HMGB1: variants seen among roughly 807,000 people sequenced by gnomAD.
The protein encoded by HMGB1 is high mobility group protein B1.
For synonymous variants in HMGB1, 81 were observed against 84.0 expected (o/e 0.96, Z 0.19); for missense variants, 79 against 253.5 (o/e 0.31, Z 4.67).
At chr13:30,538,470 CTTTCTT>C (rs1253623296) in intron 1 of HMGB1, among the ~76,000 whole-genome samples, 2 of 45,986 alleles carry the variant, frequency 4.3e-5, no homozygotes, top group Non-Finnish European at 9.3e-5. Flanking sequence ...TTCTTTCTTT[CTTTCTT>C]TCTTTCTTTC....
At chr13:30,575,087 TTTA>T (rs780966217) in intron 1 of HMGB1, among the ~76,000 whole-genome samples, 135 of 152,348 alleles carry the variant, frequency 8.9e-4, no homozygotes, top group Non-Finnish European at 1.1e-3. Flanking sequence ...TGTGCATATG[TTTA>T]TTATTTTAAG....
chr13:30,550,211 A>G (rs2137512034), intron 1 of HMGB1, among the ~76,000 whole-genome samples: 1 of 152,084 alleles, frequency 6.6e-6, no homozygotes, highest in Middle Eastern at 3.4e-3. Context: ...AGGAGCTATG[A>G]CATCCTTTTA....
Position 30,465,848 on chromosome 13 carries a change from G to C in HMGB1, c.-67C>G. The stretch of plus-strand genomic sequence containing the variant: ...GCCCGTCCGGCTCTCACTTGCCCCG[G>C]TGCTGTCTCTATGGAGCTCAATGTA... On this transcript the variant is annotated 5_prime_UTR_variant, in exon 1 of 5. Transcript: ENST00000341423. 1.0e-6 allele frequency: 1 copy of C among 985,548 alleles called. No homozygotes were observed. Among genetic ancestry groups the C allele is most frequent in the Non-Finnish European group, 1.2e-6 (1 of 829,632 alleles). The allele number at this position is 985,548 out of a possible 1,614,324, so 61.1% of individuals were successfully genotyped here.
Position 30,538,781 on chromosome 13 carries a change from C to CTT in HMGB1, c.-14-75089_-14-75088dup, listed in dbSNP as rs1333120144. Among the ~76,000 whole-genome samples the CTT allele has an allele frequency of 2.6e-4, 21 of 81,470 alleles. No individual in the cohort carries two copies. In the East Asian group the frequency reaches 3.0e-3, roughly 12 times the overall value. The allele number at this position is 81,470 out of a possible 152,430, so 53.4% of individuals were successfully genotyped here. Reference sequence around the variant, plus strand: ...TTTCTCTTTCTCTCTCTCTTTCCTTCTTTCTTTTTCTTTCTTCCTTTCTCT... The same window carrying CTT: ...TTTCTCTTTCTCTCTCTCTTTCCTTCTTTTTCTTTTTCTTTCTTCCTTTCTCT... On this transcript the variant is annotated intron_variant, in intron 1 of 4. Transcript: ENST00000405805.
At chr13:30,606,826 T>C (rs912483875) in intron 1 of HMGB1, among the ~76,000 whole-genome samples, 1 of 152,250 alleles carries the variant, frequency 6.6e-6, no homozygotes, top group Non-Finnish European at 1.5e-5. Flanking sequence ...TGTCAGGTTA[T>C]GTTAAAACAT....
chr13:30,558,325 T>G (rs1430478626), intron 1 of HMGB1, among the ~76,000 whole-genome samples: 1 of 152,344 alleles, frequency 6.6e-6, no homozygotes, highest in East Asian at 1.9e-4. Context: ...TGTAATTTGA[T>G]GCAATTCAGT....
In HMGB1 at chr13:30,538,273, T is replaced by A. The variant is rs532347762; in HGVS notation, c.-14-74579A>T. Among the ~76,000 whole-genome samples the A allele has an allele frequency of 1.6e-4, 24 of 152,364 alleles. No homozygotes were observed. The South Asian group carries it at 4.1e-3, about 26-fold the overall frequency. On this transcript the variant is annotated intron_variant, in intron 1 of 4. Coordinates refer to the HMGB1 transcript ENST00000405805. The stretch of plus-strand genomic sequence containing the variant: ...GAATACAAAGTAATTTTTATTGTTT[T>A]ATTTTAATTTTTTGGTGGTATAGAG...
chr13:30,581,568 G>C (rs891636685), intron 1 of HMGB1, among the ~76,000 whole-genome samples: 2 of 152,190 alleles, frequency 1.3e-5, no homozygotes, highest in Non-Finnish European at 1.5e-5. Flanking sequence ...CAGAAAGTTT[G>C]CTGATCCTTG....
chr13:30,566,532 T>C (rs1051606928), intron 1 of HMGB1, among the ~76,000 whole-genome samples: 5 of 152,248 alleles, frequency 3.3e-5, no homozygotes, highest in African/African-American at 9.6e-5. Context: ...TTTGATTTTT[T>C]CCCAACCTTT....
At chr13:30,538,660 T>C (rs9506334) in intron 1 of HMGB1, among the ~76,000 whole-genome samples, 1,290 of 48,704 alleles carry the variant, frequency 0.026, 60 homozygotes, top group African/African-American at 0.052. Context: ...TCTTTCTTTC[T>C]TTCCTTTCTT....
At chr13:30,470,948 CTTATTTAT>C (rs61370575) in intron 1 of HMGB1, among the ~76,000 whole-genome samples, 26,992 of 150,952 alleles carry the variant, frequency 0.18, 2,913 homozygotes, top group Non-Finnish European at 0.23. Context: ...CATGCCCAGA[CTTATTTAT>C]TTATTTATTT....
intron 1 of HMGB1, among the ~76,000 whole-genome samples, chr13:30,484,940 C>G (rs1269098627): frequency 6.6e-6 from 1 of 152,038 alleles, no homozygotes; most frequent in Non-Finnish European, 1.5e-5. Flanking sequence ...CAAAGGACCT[C>G]TCACAGCTGG....
At chr13:30,499,671 T>C (rs757226142) in intron 1 of HMGB1, among the ~76,000 whole-genome samples, 1 of 152,232 alleles carries the variant, frequency 6.6e-6, no homozygotes, top group Non-Finnish European at 1.5e-5. Flanking sequence ...GTAGATTCCC[T>C]CTTCTTTAAA....
intron 1 of HMGB1, among the ~76,000 whole-genome samples, chr13:30,552,026 C>T (rs2137513989): frequency 6.6e-6 from 1 of 152,292 alleles, no homozygotes; most frequent in Admixed American, 6.5e-5. Context: ...CCCCAAGCGT[C>T]CTCAGGTATT....
At chr13:30,613,012 G>T (rs1396072483) in intron 1 of HMGB1, among the ~76,000 whole-genome samples, 1 of 152,152 alleles carries the variant, frequency 6.6e-6, no homozygotes, top group Non-Finnish European at 1.5e-5. Flanking sequence ...GAGGATGTAG[G>T]TTTTAGTACC....
chr13:30,472,494 C>T (rs978795872), intron 1 of HMGB1, among the ~76,000 whole-genome samples: 12 of 151,942 alleles, frequency 7.9e-5, no homozygotes, highest in African/African-American at 2.2e-4. Flanking sequence ...CCAGCTACTC[C>T]GGAGGCTGAG....
chr13:30,570,020 G>T (rs141314381), intron 1 of HMGB1, among the ~76,000 whole-genome samples: 1 of 152,334 alleles, frequency 6.6e-6, no homozygotes, highest in Non-Finnish European at 1.5e-5. Context: ...AAGCAGAACA[G>T]ATTATTACAA....
chr13:30,458,784 GACAC>G lies in HMGB1; in HGVS notation c.*2569_*2572del, dbSNP rs754976036. On this transcript the variant is annotated 3_prime_UTR_variant, in exon 5 of 5. Coordinates refer to ENST00000341423, the MANE Select transcript of HMGB1 (RefSeq NM_002128.7). ...TAATCATTACCCCTCGGGTACACAG[GACAC>G]ACAAATTTCATTTTTCAGATTTCAC... The G allele has an allele frequency of 1.3e-5, 2 of 152,044 alleles. No individual in the cohort carries two copies. Among genetic ancestry groups the G allele is most frequent in the Admixed American group, 6.6e-5 (1 of 15,264 alleles). The allele number at this position is 152,044 out of a possible 1,614,324, so 9.4% of individuals were successfully genotyped here. A position where few individuals can be genotyped will look rare whatever the true frequency, so the allele number is the denominator to read the frequency against.
At chr13:30,611,329 A>AT (rs1460359502) in intron 1 of HMGB1, among the ~76,000 whole-genome samples, 3 of 152,042 alleles carry the variant, frequency 2.0e-5, no homozygotes, top group Admixed American at 6.6e-5. Context: ...TGCCCAGCTA[A>AT]TTTTTTGTTT....
Sources: allele counts gnomAD v4.1 joint callset (sites outside exome capture counted in the v4.1 genomes callset), GRCh38; gene constraint gnomAD v4.1.1; transcripts MANE v1.5; gene names NCBI Gene and HGNC (gene_info 2026-07-23, HGNC 2026-07-21).